Variants in DPP10 observed in about 807,000 individuals in gnomAD.
DPP10 encodes dipeptidyl peptidase like 10, also known as inactive dipeptidyl peptidase 10.
Under a neutral mutation model 120.9 loss-of-function variants are expected in DPP10, and 33 were observed. That is an observed-to-expected ratio of 0.27 (90% CI 0.21 to 0.37). DPP10 has a LOEUF of 0.37. DPP10 is among the 10% of genes least tolerant of loss of function. The probability of loss-of-function intolerance (pLI) is 1.00; values close to 1 mark genes in which losing one functional copy is unlikely to be tolerated. For missense variants in DPP10, 816 were observed against 942.8 expected, an observed-to-expected ratio of 0.87 and a Z score of 1.76; for synonymous variants, 337 against 326.1, an observed-to-expected ratio of 1.03 and a Z score of -0.36.
Position 115,234,500 on chromosome 2 carries a change from C to G in DPP10, c.61-74739C>G, listed in dbSNP as rs558147262. 4.6e-5 allele frequency: 7 copies of G among 152,596 alleles called. No individual in the cohort carries two copies. The East Asian group carries it at 1.4e-3, about 29-fold the overall frequency. The allele number at this position is 152,596 out of a possible 1,614,324, so 9.5% of individuals were successfully genotyped here. A position where few individuals can be genotyped will look rare whatever the true frequency, so the allele number is the denominator to read the frequency against. ...CAATAGCTAGATTTTACTAAACTGG[C>G]CCTGAAAATTTTATAATTTTGATTC... On this transcript the variant is annotated intron_variant, in intron 1 of 25. Coordinates refer to ENST00000410059, the MANE Select transcript of DPP10 (RefSeq NM_020868.6).
intron 1 of DPP10, among the ~76,000 whole-genome samples, chr2:114,994,222 G>T (rs75632674): frequency 0.045 from 6,807 of 152,142 alleles, 245 homozygotes; most frequent in East Asian, 0.15. Flanking sequence ...TATATTTAAT[G>T]TACTTTTCAT....
At chr2:114,497,565 G>C (rs1237721713) in intron 1 of DPP10, among the ~76,000 whole-genome samples, 1 of 151,336 alleles carries the variant, frequency 6.6e-6, no homozygotes, top group African/African-American at 2.4e-5. Flanking sequence ...TCCCATTATG[G>C]GTCTATAATT....
At chr2:115,514,562 A>T (rs976284193) in intron 4 of DPP10, among the ~76,000 whole-genome samples, 3 of 151,810 alleles carry the variant, frequency 2.0e-5, no homozygotes, top group Non-Finnish European at 4.4e-5. Flanking sequence ...ATGAAAACAT[A>T]TATTGTAAAA....
rs549310477 is a variant in DPP10, at chr2:114,733,151, A to C, written c.60+290313A>C. Among the ~76,000 whole-genome samples the C allele has an allele frequency of 4.6e-5, 7 of 152,326 alleles. No individual in the cohort carries two copies. In the South Asian group the frequency reaches 1.5e-3, roughly 32 times the overall value. ...AAGGGAGCTGGTAAGAAGAAGTCTT[A>C]AGTTTGGCTCAAGATCATTACTAAT... On this transcript the variant is annotated intron_variant, in intron 1 of 25. Coordinates refer to ENST00000410059, the MANE Select transcript of DPP10 (RefSeq NM_020868.6).
chr2:115,808,627 T>C lies in DPP10; in HGVS notation c.1701-6166T>C, dbSNP rs1351874196. Among the ~76,000 whole-genome samples, 4 of 152,224 alleles carry C rather than the reference T, an allele frequency of 2.6e-5. No homozygotes were observed. In the East Asian group the frequency reaches 7.7e-4, roughly 29 times the overall value. Reference sequence around the variant, plus strand: ...CGTAGGCATAAGTGTCTAAAGCCACTGGACCTGGGCTCAACTCAGTTTGAT... The same window carrying C: ...CGTAGGCATAAGTGTCTAAAGCCACCGGACCTGGGCTCAACTCAGTTTGAT... On this transcript the variant is annotated intron_variant, in intron 19 of 25. Transcript: ENST00000410059.
intron 1 of DPP10, among the ~76,000 whole-genome samples, chr2:114,979,658 CA>C (rs2104845576): frequency 6.6e-6 from 1 of 152,082 alleles, no homozygotes; most frequent in East Asian, 1.9e-4. Flanking sequence ...AGCAAATCAC[CA>C]AGTGAGATTT....
chr2:114,699,304 T>C (rs1299860045), intron 1 of DPP10, among the ~76,000 whole-genome samples: 1 of 152,122 alleles, frequency 6.6e-6, no homozygotes, highest in East Asian at 1.9e-4. Context: ...TGTGTGTGTG[T>C]GTGTGTTGAG....
chr2:115,517,396 A>G (rs1397389324), intron 4 of DPP10, among the ~76,000 whole-genome samples: 5 of 152,114 alleles, frequency 3.3e-5, no homozygotes, highest in African/African-American at 4.8e-5. Flanking sequence ...TTTGATACAT[A>G]TATATATGTT....
rs964176407 is a variant in DPP10 at position 114,827,316 on chromosome 2, T to G, written c.60+384478T>G. On this transcript the variant is annotated intron_variant, in intron 1 of 25. Coordinates refer to ENST00000410059, the MANE Select transcript of DPP10 (RefSeq NM_020868.6). ...TGCTGGGCAGGTAATAGGAGATGTT[T>G]TATGGCAAATGATTCAGTCAATGTT... Among the ~76,000 whole-genome samples the G allele has an allele frequency of 2.2e-4, 34 of 152,180 alleles. 1 individual carries two copies. The highest frequency in any genetic ancestry group is 8.0e-4 in the African/African-American group (33 of 41,432).
rs1462867104 is a variant in DPP10, at chr2:115,843,374, T to A, written c.*1029T>A. 2 of 152,636 alleles carry A rather than the reference T, an allele frequency of 1.3e-5. No individual in the cohort carries two copies. Among genetic ancestry groups the A allele is most frequent in the Non-Finnish European group, 2.9e-5 (2 of 68,026 alleles). 9.5% of individuals were successfully genotyped at this position (152,636 alleles called of 1,614,324 possible). ...TTTGCTCTTTTGGTGGAGAAGGCTT[T>A]TTTCAAAACTCTTGGTCCTTTTACT... On this transcript the variant is annotated 3_prime_UTR_variant, in exon 26 of 26. Coordinates refer to ENST00000410059, the MANE Select transcript of DPP10 (RefSeq NM_020868.6).
rs1037283483 is a variant in DPP10 at position 115,044,355 on chromosome 2, C to CT, written c.61-264875dup. 4.6e-5 allele frequency among the ~76,000 whole-genome samples: 7 copies of CT among 151,216 alleles called. No homozygotes were observed. In the East Asian group the frequency reaches 7.8e-4, roughly 17 times the overall value. ...GCCACACACTTTTAAAAGACCAGAT[C>CT]TTTTTTTTTAATTTTATTATTATTA... On this transcript the variant is annotated intron_variant, in intron 1 of 25. Coordinates refer to ENST00000410059, the MANE Select transcript of DPP10 (RefSeq NM_020868.6).
intron 1 of DPP10, among the ~76,000 whole-genome samples, chr2:115,070,586 A>C (rs1707285270): frequency 6.6e-6 from 1 of 152,180 alleles, no homozygotes; most frequent in African/African-American, 2.4e-5. Flanking sequence ...AGACACATTT[A>C]TTGGCATGCT....
rs141193810 is a variant in DPP10 at position 115,744,508 on chromosome 2, G to A, written c.853-1578G>A. ...TTCTGATCCAGAACCTTTGGCGTGC[G>A]GGAGGCTCATAGCTTATCTTCCAGG... On this transcript the variant is annotated intron_variant, in intron 9 of 25. Coordinates refer to ENST00000410059, the MANE Select transcript of DPP10 (RefSeq NM_020868.6). 7.1e-3 allele frequency among the ~76,000 whole-genome samples: 1,065 copies of A among 150,342 alleles called. 46 individuals are homozygous for A. The highest frequency in any genetic ancestry group is 9.8e-3 in the Non-Finnish European group (664 of 67,838).
chr2:114,471,615 A>G (rs962795473), intron 1 of DPP10, among the ~76,000 whole-genome samples: 3 of 152,222 alleles, frequency 2.0e-5, no homozygotes, highest in African/African-American at 7.2e-5. Flanking sequence ...GAATATAAAG[A>G]GTAGATTTTC....
rs1308762708 is a variant in DPP10, at chr2:114,813,112, C to T, written c.60+370274C>T. Among the ~76,000 whole-genome samples, 3 of 152,292 alleles carry T rather than the reference C, an allele frequency of 2.0e-5. No individual in the cohort carries two copies. In the East Asian group the frequency reaches 5.8e-4, roughly 29 times the overall value. Reference sequence around the variant, plus strand: ...TACTACATTTATCATAATAACAATTCAAATGGTCTGGATACTAAACATAAC... The same window carrying T: ...TACTACATTTATCATAATAACAATTTAAATGGTCTGGATACTAAACATAAC... On this transcript the variant is annotated intron_variant, in intron 1 of 25. Transcript: ENST00000410059.
chr2:114,885,618 G>T (rs1409476099), intron 1 of DPP10, among the ~76,000 whole-genome samples: 2 of 152,090 alleles, frequency 1.3e-5, no homozygotes, highest in Non-Finnish European at 2.9e-5. Context: ...ACTTAAGTTT[G>T]CTGTCATTGT....
chr2:115,497,205 G>A (rs1205467257), intron 3 of DPP10, among the ~76,000 whole-genome samples: 1 of 152,050 alleles, frequency 6.6e-6, no homozygotes, highest in Non-Finnish European at 1.5e-5. Context: ...CATAATTTCA[G>A]TTTTGTGTCC....
At chr2:115,114,592 G>C (rs1573664667) in intron 1 of DPP10, among the ~76,000 whole-genome samples, 1 of 152,180 alleles carries the variant, frequency 6.6e-6, no homozygotes, top group East Asian at 1.9e-4. Flanking sequence ...TCCTCATTCT[G>C]CTCAGGCTCC....
chr2:114,532,736 C>A (rs554722544), intron 1 of DPP10, among the ~76,000 whole-genome samples: 1 of 152,262 alleles, frequency 6.6e-6, no homozygotes, highest in Non-Finnish European at 1.5e-5. Flanking sequence ...CACAATGCCT[C>A]CCAAGAGAAG....
Sources: gnomAD v4.1 joint callset for allele counts (sites outside exome capture counted in the v4.1 genomes callset) on GRCh38, gnomAD v4.1.1 for gene constraint, MANE v1.5 for transcripts, NCBI Gene and HGNC (gene_info 2026-07-23, HGNC 2026-07-21) for gene names.